Variants in SP3 observed in about 807,000 individuals in gnomAD.
The protein encoded by SP3 is transcription factor Sp3.
SP3 carries 10 observed loss-of-function variants against 70.3 expected under a neutral mutation model. That is an observed-to-expected ratio of 0.14 (90% confidence interval 0.09 to 0.24). The LOEUF is 0.24. Among genes scored for constraint, SP3 ranks in the 10% least tolerant of loss-of-function variants. SP3 has a pLI of 1.00. For missense variants in SP3, 825 were observed against 914.6 expected, an observed-to-expected ratio of 0.90 and a Z score of 1.26; for synonymous variants, 402 against 333.5, an observed-to-expected ratio of 1.21 and a Z score of -2.24.
intron 4 of SP3, among the ~76,000 whole-genome samples, chr2:173,942,552 A>G (rs1362223512): frequency 6.6e-5 from 10 of 152,172 alleles, no homozygotes; most frequent in Admixed American, 6.5e-5. Flanking sequence ...GGTGACTGGA[A>G]AAGAAACTAT....
At chr2:173,951,427 T>A (rs1381586350) in intron 4 of SP3, among the ~76,000 whole-genome samples, 2 of 152,186 alleles carry the variant, frequency 1.3e-5, no homozygotes, top group East Asian at 3.8e-4. Flanking sequence ...CCATTACACG[T>A]TAACATAAAT....
At position 173,955,432 on chromosome 2, in the gene SP3, A is replaced by C. The variant is rs1251279548; in HGVS notation, c.1080T>G (p.Ser360Arg). Residue 360 changes from serine to arginine, a missense_variant, in exon 4 of 7, where the codon AGT becomes AGG. Physicochemically the swap from Ser to Arg is moderately radical, Grantham distance 110 (BLOSUM62 -1). Around this residue, in one of 4 missense-constraint regions of SP3, gnomAD observed 678 missense variants for 651.6 expected, o/e 1.04. Coordinates refer to ENST00000310015, the MANE Select transcript of SP3 (RefSeq NM_003111.5). Reference protein sequence around the residue: ...QQNTNSLTTSSGQVHSSDLQG... With the variant: ...QQNTNSLTTSRGQVHSSDLQG... Reference sequence around the variant, plus strand: ...GAAGATCTGAAGAATGAACCTGCCCACTAGATGTAGTCAAGCTATTTGTGT... The same window carrying C: ...GAAGATCTGAAGAATGAACCTGCCCCCTAGATGTAGTCAAGCTATTTGTGT... 6.2e-7 allele frequency: 1 copy of C among 1,614,136 alleles called. No homozygotes were observed. Among genetic ancestry groups the C allele is most frequent in the Non-Finnish European group, 8.5e-7 (1 of 1,180,020 alleles).
At chr2:173,942,434 C>T (rs990611754) in intron 4 of SP3, among the ~76,000 whole-genome samples, 14 of 152,060 alleles carry the variant, frequency 9.2e-5, no homozygotes, top group Admixed American at 5.2e-4. Context: ...AGCGTGGTGG[C>T]GCATGCCTGT....
chr2:173,947,688 G>A (rs185200181), intron 4 of SP3, among the ~76,000 whole-genome samples: 1 of 152,214 alleles, frequency 6.6e-6, no homozygotes, highest in South Asian at 2.1e-4. Flanking sequence ...AATCTGACAT[G>A]AATTCATCTC....
At position 173,913,179 on chromosome 2, in the gene SP3, A is replaced by C. The variant is rs1210577767; in HGVS notation, c.1920T>G (p.Ala640=). The C allele has an allele frequency of 6.2e-7, 1 of 1,613,670 alleles. No individual in the cohort carries two copies. The highest frequency in any genetic ancestry group is 1.7e-5 in the Admixed American group (1 of 59,996). The part of the protein sequence containing the change: ...KVYGKTSHLR[A]HLRWHSGERP... Reference sequence around the variant, plus strand: ...GTTCTCCAGAATGCCAACGCAGATGAGCTCTCAGATGTGAGGTCTTCCCAT... The same window carrying C: ...GTTCTCCAGAATGCCAACGCAGATGCGCTCTCAGATGTGAGGTCTTCCCAT... The change falls in exon 6 of 7, where the codon GCT becomes GCG. Residue 640 remains alanine (A), a synonymous_variant. Coordinates refer to ENST00000310015, the MANE Select transcript of SP3 (RefSeq NM_003111.5).
chr2:173,924,858 A>G lies in SP3; in HGVS notation c.1640-6073T>C, dbSNP rs919307027. 2.0e-5 allele frequency among the ~76,000 whole-genome samples: 3 copies of G among 152,336 alleles called. No individual in the cohort carries two copies. The South Asian group carries it at 6.2e-4, about 32-fold the overall frequency. On this transcript the variant is annotated intron_variant, in intron 4 of 6. Coordinates refer to ENST00000310015, the MANE Select transcript of SP3 (RefSeq NM_003111.5). ...CAAATCAAAGTGAGTTTAAAAATCT[A>G]GGAAAGATAAAGAAACTTTAGTACA...
At chr2:173,946,957 A>C (rs1690560884) in intron 4 of SP3, among the ~76,000 whole-genome samples, 1 of 151,858 alleles carries the variant, frequency 6.6e-6, no homozygotes, top group Non-Finnish European at 1.5e-5. Flanking sequence ...TCCTGGGTTC[A>C]AGTGATCCTC....
At chr2:173,957,537 G>A (rs1056746816) in intron 3 of SP3, among the ~76,000 whole-genome samples, 3 of 152,136 alleles carry the variant, frequency 2.0e-5, no homozygotes, top group East Asian at 3.8e-4. Flanking sequence ...GCAGTTTGGA[G>A]TTGAAGAAAA....
intron 3 of SP3, among the ~76,000 whole-genome samples, chr2:173,963,552 G>C (rs1033431342): frequency 6.6e-6 from 1 of 152,164 alleles, no homozygotes; most frequent in Non-Finnish European, 1.5e-5. Flanking sequence ...TTTTGCGCGA[G>C]GTGCTGCAGT....
intron 4 of SP3, among the ~76,000 whole-genome samples, chr2:173,923,985 G>A (rs1689837167): frequency 6.6e-6 from 1 of 151,726 alleles, no homozygotes; most frequent in Non-Finnish European, 1.5e-5. Flanking sequence ...CTAAATTATA[G>A]ATATGAGTTC....
chr2:173,932,152 G>C (rs543577441), intron 4 of SP3, among the ~76,000 whole-genome samples: 2 of 152,126 alleles, frequency 1.3e-5, no homozygotes, highest in Non-Finnish European at 2.9e-5. Flanking sequence ...CCTTTCACTT[G>C]AACACTTAGA....
chr2:173,932,252 C>T (rs1215659992), intron 4 of SP3, among the ~76,000 whole-genome samples: 3 of 152,142 alleles, frequency 2.0e-5, no homozygotes, highest in Non-Finnish European at 4.4e-5. Context: ...AGTACAATGG[C>T]GTGATCTCAG....
In SP3 at chr2:173,959,914, C is replaced by T. The variant is rs949051258; in HGVS notation, c.280-3682G>A. The stretch of plus-strand genomic sequence containing the variant: ...GTGTTTCTCTCAGTACCTTTCTTAC[C>T]GGACAATTAACAAACAAAACCTAGG... On this transcript the variant is annotated intron_variant, in intron 3 of 6. Coordinates refer to ENST00000310015, the MANE Select transcript of SP3 (RefSeq NM_003111.5). Among the ~76,000 whole-genome samples the T allele has an allele frequency of 5.9e-5, 9 of 152,252 alleles. No individual in the cohort carries two copies. The East Asian group carries it at 1.2e-3, about 20-fold the overall frequency.
chr2:173,949,357 C>G (rs1170383316), intron 4 of SP3, among the ~76,000 whole-genome samples: 2 of 145,730 alleles, frequency 1.4e-5, no homozygotes, highest in Non-Finnish European at 3.0e-5. Flanking sequence ...GTATTTTACC[C>G]TCAAAAAGGA....
At chr2:173,946,721 C>CT (rs35419725) in intron 4 of SP3, among the ~76,000 whole-genome samples, 19,925 of 129,196 alleles carry the variant, frequency 0.15, 1,634 homozygotes, top group Middle Eastern at 0.2. Context: ...AAAGATCTGC[C>CT]TTTTTTTTTT....
At chr2:173,930,386 G>A (rs557737971) in intron 4 of SP3, among the ~76,000 whole-genome samples, 2 of 152,020 alleles carry the variant, frequency 1.3e-5, no homozygotes, top group African/African-American at 4.8e-5. Flanking sequence ...GGGTAACACA[G>A]GGAGACTGCC....
chr2:173,924,730 T>C (rs571825474), intron 4 of SP3, among the ~76,000 whole-genome samples: 1 of 152,338 alleles, frequency 6.6e-6, no homozygotes, highest in East Asian at 1.9e-4. Context: ...TTGCTAAAGA[T>C]CAACTCCCTA....
At chr2:173,961,302 A>C (rs1278888923) in intron 3 of SP3, among the ~76,000 whole-genome samples, 2 of 152,246 alleles carry the variant, frequency 1.3e-5, no homozygotes, top group Non-Finnish European at 2.9e-5. Context: ...TTCCAAATTC[A>C]AAATCCAAAT....
At chr2:173,959,857 G>GT (rs1177630138) in intron 3 of SP3, among the ~76,000 whole-genome samples, 3 of 152,210 alleles carry the variant, frequency 2.0e-5, no homozygotes, top group Non-Finnish European at 4.4e-5. Context: ...CTATGTCTAC[G>GT]TAAGTTTACA....
Sources: allele counts gnomAD v4.1 joint callset (sites outside exome capture counted in the v4.1 genomes callset), GRCh38; gene constraint gnomAD v4.1.1; regional missense constraint gnomAD v4.1.1; transcripts MANE v1.5; gene names NCBI Gene and HGNC (gene_info 2026-07-23, HGNC 2026-07-21).